KIF14: variants seen among roughly 807,000 people sequenced by gnomAD.
The protein encoded by KIF14 is kinesin-like protein KIF14.
A neutral mutation model predicts 176.2 loss-of-function variants in KIF14; 98 were observed. The ratio of observed to expected loss-of-function variants is 0.56; its 90% CI spans 0.47 to 0.66. The LOEUF (loss-of-function observed/expected upper bound fraction) is 0.66, where lower values mean the gene tolerates loss of function less well. Ranked by LOEUF, KIF14 falls within the 30% of genes least tolerant of loss-of-function variation. The probability of loss-of-function intolerance (pLI) is 0.00; values close to 1 mark genes in which losing one functional copy is unlikely to be tolerated. For missense variants in KIF14, 1,751 were observed against 1,920.4 expected, an observed-to-expected ratio of 0.91 and a Z score of 1.65; for synonymous variants, 566 against 632.2, an observed-to-expected ratio of 0.90 and a Z score of 1.57.
Position 200,589,366 on chromosome 1 carries a change from C to T in KIF14, c.2965G>A (p.Glu989Lys), listed in dbSNP as rs768639547. The change falls in exon 18 of 30, where the codon GAA (glutamate) becomes AAA (lysine). Residue 989 changes from glutamate (E) to lysine (K), a missense_variant. Coordinates refer to ENST00000367350, the MANE Select transcript of KIF14 (RefSeq NM_014875.3). The part of the protein sequence containing the change: ...KIKALEAELR[E>K]ESQRKKMQEI... ...TGCATTTTTTTCCTTTGAGACTCTTCTCTCTTTAAAGAACAATAATAAAAA... is the reference window on the plus strand; with the variant it reads ...TGCATTTTTTTCCTTTGAGACTCTTTTCTCTTTAAAGAACAATAATAAAAA... The T allele has an allele frequency of 1.9e-6, 3 of 1,600,544 alleles. No individual in the cohort carries two copies.
At position 200,600,109 on chromosome 1, in the gene KIF14, A is replaced by G; in HGVS notation, c.2305T>C (p.Trp769Arg). The part of the protein sequence containing the change: ...ERDMAEMQRV[W>R]KEKFEQAEKR... ...TCAGCTTGTTCAAACTTTTCTTTCC[A>G]CACTCTTTCCAAAGACAAAGAAAAT... The change falls in exon 13 of 30, where the codon TGG (tryptophan) becomes CGG (arginine). Residue 769 changes from tryptophan to arginine, a missense_variant. Trp to Arg is a moderately radical substitution (Grantham distance 101). Coordinates refer to ENST00000367350, the MANE Select transcript of KIF14 (RefSeq NM_014875.3). The G allele has an allele frequency of 6.3e-7, 1 of 1,596,994 alleles. No homozygotes were observed.
intron 14 of KIF14, among the ~76,000 whole-genome samples, chr1:200,595,799 C>G (rs1202605297): frequency 6.6e-6 from 1 of 150,524 alleles, no homozygotes. Flanking sequence ...ATACAAAAAA[C>G]TAGCTGGGCA....
At chr1:200,614,955 T>C (rs1660340037) in intron 3 of KIF14, among the ~76,000 whole-genome samples, 1 of 152,142 alleles carries the variant, frequency 6.6e-6, no homozygotes, top group African/African-American at 2.4e-5. Context: ...CAGGCTGGAC[T>C]CGAACTCCTG....
intron 6 of KIF14, among the ~76,000 whole-genome samples, 165 bp from the exon 7 acceptor site, chr1:200,606,059 C>A (rs937691216): frequency 1.3e-4 from 19 of 151,966 alleles, no homozygotes; most frequent in African/African-American, 4.6e-4. Context: ...TTTCCCCATT[C>A]TTGAAGGACA....
chr1:200,592,092 G>A lies in KIF14; in HGVS notation c.2801C>T (p.Ala934Val). ...FEFAKNELLM[A>V]QRSQLEAEIK... ...ACAGCATACTTACTGTGATCTCTGT[G>A]CCATGAGCAACTCATTTTTTGCAAA... Residue 934 changes from alanine to valine, a missense_variant, in exon 16 of 30, where the codon GCA (alanine) becomes GTA (valine). By Grantham distance (64) the Ala-to-Val change is moderately conservative. Transcript: ENST00000367350. The A allele has an allele frequency of 6.2e-7, 1 of 1,612,452 alleles. No homozygotes were observed. The highest frequency in any genetic ancestry group is 8.5e-7 in the Non-Finnish European group (1 of 1,179,234).
intron 24 of KIF14, 79 bp from the exon 25 acceptor site, chr1:200,565,332 T>C: frequency 6.9e-7 from 1 of 1,442,014 alleles, no homozygotes; most frequent in Non-Finnish European, 9.4e-7. Context: ...ATTAAAACAT[T>C]TAACACAGTT....
chr1:200,603,425 A>G, intron 9 of KIF14, 84 bp from the exon 10 acceptor site: 2 of 692,416 alleles, frequency 2.9e-6, no homozygotes, highest in Non-Finnish European at 5.1e-6. Context: ...CTCCCCTCAT[A>G]TAATTACTGA....
At chr1:200,587,499 AGCATT>A (rs1658815275) in intron 18 of KIF14, among the ~76,000 whole-genome samples, 1 of 152,106 alleles carries the variant, frequency 6.6e-6, no homozygotes, top group Admixed American at 6.6e-5. Context: ...AGTACAAATA[AGCATT>A]ATAAGCCCAA....
At chr1:200,554,411 T>A in intron 29 of KIF14, 57 bp downstream of exon 29, 1 of 1,204,366 alleles carries the variant, frequency 8.3e-7, no homozygotes, top group Non-Finnish European at 1.2e-6. Flanking sequence ...AGGAAAGATG[T>A]CTAAGGTTCC....
chr1:200,563,469 A>G (rs1657272134), intron 25 of KIF14, among the ~76,000 whole-genome samples: 1 of 152,266 alleles, frequency 6.6e-6, no homozygotes, highest in South Asian at 2.1e-4. Context: ...GGCTCAAGCA[A>G]TCCTCCCACC....
chr1:200,589,036 T>A (rs1156505257), intron 18 of KIF14, among the ~76,000 whole-genome samples, 181 bp downstream of exon 18: 1 of 152,214 alleles, frequency 6.6e-6, no homozygotes, highest in Admixed American at 6.5e-5. Flanking sequence ...TTTCAAAATC[T>A]CTGTGTGATC....
chr1:200,586,415 AATG>A (rs758634540), intron 18 of KIF14, among the ~76,000 whole-genome samples, 188 bp from the exon 19 acceptor site: 3 of 152,170 alleles, frequency 2.0e-5, no homozygotes, highest in Non-Finnish European at 4.4e-5. Context: ...ACAGATTGAT[AATG>A]ATAACACACT....
intron 15 of KIF14, 136 bp from the exon 16 acceptor site, chr1:200,592,376 T>C: frequency 1.5e-6 from 1 of 678,216 alleles, no homozygotes; most frequent in South Asian, 2.3e-5. Context: ...CTAACATTTA[T>C]TACTTTTTTT....
chr1:200,568,921 A>ATTTTTTTTTTTTTTTTTTTTTT (rs144531910), intron 23 of KIF14, among the ~76,000 whole-genome samples: 1 of 106,690 alleles, frequency 9.4e-6, no homozygotes, highest in African/African-American at 3.9e-5. Flanking sequence ...GCAGGTAGTA[A>ATTTTTTTTTTTTTTTTTTTTTT]TTTTTTTTTT....
At chr1:200,608,612 C>T (rs746167007) in intron 5 of KIF14, among the ~76,000 whole-genome samples, 4 of 152,174 alleles carry the variant, frequency 2.6e-5, no homozygotes, top group Non-Finnish European at 5.9e-5. Context: ...GTCTGCCCCC[C>T]TCAGCCTCCC....
At position 200,553,378 on chromosome 1, in the gene KIF14, A is replaced by G; in HGVS notation, c.*10T>C. Reference sequence around the variant, plus strand: ...CATGGGTGGTCATAAAAGTGCCTACACATCAGTATTCACACCCACTGAATC... The same window carrying G: ...CATGGGTGGTCATAAAAGTGCCTACGCATCAGTATTCACACCCACTGAATC... On this transcript the variant is annotated 3_prime_UTR_variant, in exon 30 of 30. Coordinates refer to ENST00000367350, the MANE Select transcript of KIF14 (RefSeq NM_014875.3). 1 of 1,565,460 alleles carries G rather than the reference A, an allele frequency of 6.4e-7. No individual in the cohort carries two copies. Among genetic ancestry groups the G allele is most frequent in the Non-Finnish European group, 8.6e-7 (1 of 1,158,152 alleles).
chr1:200,554,346 G>A (rs937331292), intron 29 of KIF14, 122 bp downstream of exon 29: 47 of 608,308 alleles, frequency 7.7e-5, no homozygotes, highest in South Asian at 7.6e-4. Flanking sequence ...AGCTGAAATC[G>A]AGCCACTGCA....
chr1:200,585,813 C>A (rs1658707820), intron 19 of KIF14, among the ~76,000 whole-genome samples: 1 of 152,130 alleles, frequency 6.6e-6, no homozygotes, highest in African/African-American at 2.4e-5. Flanking sequence ...TACTCACCTG[C>A]CAAAGACCTC....
intron 14 of KIF14, among the ~76,000 whole-genome samples, 158 bp from the exon 15 acceptor site, chr1:200,593,927 G>GT (rs57476742): frequency 0.023 from 2,303 of 100,358 alleles, 243 homozygotes; most frequent in African/African-American, 0.079. Context: ...CCTCCAACTA[G>GT]TTTTTTTTTT....
Sources: allele counts gnomAD v4.1 joint callset (sites outside exome capture counted in the v4.1 genomes callset), GRCh38; gene constraint gnomAD v4.1.1; transcripts MANE v1.5; gene names NCBI Gene and HGNC (gene_info 2026-07-23, HGNC 2026-07-21).